Variants in THSD4 observed in about 807,000 individuals in gnomAD.
THSD4 encodes thrombospondin type-1 domain-containing protein 4.
THSD4 carries 69 observed loss-of-function variants against 119.0 expected under a neutral mutation model. That is an observed-to-expected ratio of 0.58 (90% CI 0.48 to 0.71). THSD4 has a LOEUF of 0.71. Ranked by LOEUF, THSD4 falls within the 30% of genes least tolerant of loss-of-function variation. The pLI, the probability that THSD4 is intolerant of heterozygous loss-of-function variation, is 0.00. For missense variants in THSD4, 1,393 were observed against 1,391.1 expected (o/e 1.00, Z -0.02); for synonymous variants, 524 against 540.4 (o/e 0.97, Z 0.42).
At chr15:71,627,477 G>T (rs2140938008) in intron 7 of THSD4, among the ~76,000 whole-genome samples, 1 of 152,262 alleles carries the variant, frequency 6.6e-6, no homozygotes, top group African/African-American at 2.4e-5. Context: ...GGCTGTAAAT[G>T]GCAGCCCCTT....
chr15:71,324,217 A>G (rs753854687), intron 6 of THSD4, among the ~76,000 whole-genome samples: 1 of 151,986 alleles, frequency 6.6e-6, no homozygotes, highest in Non-Finnish European at 1.5e-5. Context: ...TCCCAACAAC[A>G]AACGTTTGGC....
chr15:71,330,257 C>G (rs996298992), intron 6 of THSD4, among the ~76,000 whole-genome samples: 6 of 152,116 alleles, frequency 3.9e-5, no homozygotes, highest in Non-Finnish European at 7.3e-5. Context: ...CACTTCCTAG[C>G]TATAGGACCT....
intron 7 of THSD4, among the ~76,000 whole-genome samples, chr15:71,500,332 G>A (rs894427211): frequency 6.6e-6 from 1 of 152,010 alleles, no homozygotes; most frequent in African/African-American, 2.4e-5. Context: ...TAGATTTGTT[G>A]TTGTTGTTGA....
chr15:71,109,981 A>C (rs2040291784), intron 1 of THSD4, among the ~76,000 whole-genome samples: 1 of 152,222 alleles, frequency 6.6e-6, no homozygotes, highest in Non-Finnish European at 1.5e-5. Context: ...TATAAAAATT[A>C]ATTCATTCAA....
At chr15:71,666,252 C>G (rs2051414986) in intron 8 of THSD4, among the ~76,000 whole-genome samples, 1 of 151,976 alleles carries the variant, frequency 6.6e-6, no homozygotes, top group Non-Finnish European at 1.5e-5. Flanking sequence ...GTATTTTGTT[C>G]TTTTTGAATT....
chr15:71,700,751 A>G (rs1049910760), intron 8 of THSD4, among the ~76,000 whole-genome samples: 1 of 152,078 alleles, frequency 6.6e-6, no homozygotes, highest in Non-Finnish European at 1.5e-5. Flanking sequence ...CTAGAAATAG[A>G]CCCCTGTTTG....
intron 7 of THSD4, among the ~76,000 whole-genome samples, chr15:71,507,841 AAACC>A (rs1186246682): frequency 5.9e-5 from 9 of 152,212 alleles, no homozygotes; most frequent in African/African-American, 2.2e-4. Flanking sequence ...CTTTAGAGAC[AAACC>A]CCATGAAGCT....
intron 7 of THSD4, among the ~76,000 whole-genome samples, chr15:71,566,758 G>T (rs1464283306): frequency 4.7e-5 from 3 of 63,214 alleles, no homozygotes; most frequent in African/African-American, 1.9e-4. Flanking sequence ...CCTGCTCCCC[G>T]CTCCCCCTGC....
chr15:71,688,761 GAGA>G (rs1430538694), intron 8 of THSD4, among the ~76,000 whole-genome samples: 2 of 151,012 alleles, frequency 1.3e-5, no homozygotes, highest in African/African-American at 2.4e-5. Flanking sequence ...GAGCAAGAGA[GAGA>G]AGAGAGAGAG....
intron 10 of THSD4, among the ~76,000 whole-genome samples, chr15:71,734,236 A>G (rs1381318481): frequency 1.3e-5 from 2 of 152,244 alleles, no homozygotes; most frequent in African/African-American, 2.4e-5. Flanking sequence ...CAACTGCCAC[A>G]TAATTGCCAA....
At chr15:71,676,947 A>T (rs190591451) in intron 8 of THSD4, among the ~76,000 whole-genome samples, 2 of 152,126 alleles carry the variant, frequency 1.3e-5, no homozygotes, top group Non-Finnish European at 2.9e-5. Context: ...ACTACTTCCA[A>T]TTCTTTTGGG....
At chr15:71,774,306 G>A (rs2053875345) in intron 17 of THSD4, among the ~76,000 whole-genome samples, 3 of 74,748 alleles carry the variant, frequency 4.0e-5, no homozygotes, top group Admixed American at 1.6e-4. Context: ...GTGAGACTCT[G>A]TCTCAAAAAA....
chr15:71,197,406 C>T (rs767694528), intron 3 of THSD4, among the ~76,000 whole-genome samples: 6 of 152,234 alleles, frequency 3.9e-5, no homozygotes, highest in Non-Finnish European at 7.3e-5. Context: ...TCTGCTGCCT[C>T]ATGTGGCTTT....
intron 4 of THSD4, among the ~76,000 whole-genome samples, chr15:71,229,635 T>C (rs563668383): frequency 2.8e-4 from 42 of 152,324 alleles, no homozygotes; most frequent in African/African-American, 9.9e-4. Context: ...GATTCGTAGT[T>C]GGTTGAATCC....
At chr15:71,221,666 A>C (rs28576723) in intron 4 of THSD4, among the ~76,000 whole-genome samples, 1,561 of 152,278 alleles carry the variant, frequency 0.01, 29 homozygotes, top group African/African-American at 0.035. Flanking sequence ...CATTTTGCTT[A>C]TCCTTTCATC....
chr15:71,504,574 A>G (rs1448276587), intron 7 of THSD4, among the ~76,000 whole-genome samples: 4 of 152,224 alleles, frequency 2.6e-5, no homozygotes, highest in Non-Finnish European at 5.9e-5. Flanking sequence ...GAGTTTGAGA[A>G]TACTTCATTA....
intron 7 of THSD4, among the ~76,000 whole-genome samples, chr15:71,494,652 A>G (rs1179696447): frequency 6.6e-6 from 1 of 152,104 alleles, no homozygotes. Context: ...CAGATCAGGA[A>G]GAAGGGTGGC....
chr15:71,184,202 C>G (rs977198828), intron 3 of THSD4: 2 of 151,840 alleles, frequency 1.3e-5, no homozygotes, highest in Non-Finnish European at 2.9e-5. Context: ...TCTTCTCAAT[C>G]TCAGGATTCT....
chr15:71,338,343 G>T (rs545258670), intron 6 of THSD4, among the ~76,000 whole-genome samples: 1 of 150,530 alleles, frequency 6.6e-6, no homozygotes, highest in Non-Finnish European at 1.5e-5. Context: ...CAAGGGGTCT[G>T]CTTCATGTAG....
Sources: allele counts gnomAD v4.1 joint callset (sites outside exome capture counted in the v4.1 genomes callset), GRCh38; gene constraint gnomAD v4.1.1; transcripts MANE v1.5; gene names NCBI Gene and HGNC (gene_info 2026-07-23, HGNC 2026-07-21).